Variants in HPSE2 observed in about 807,000 individuals in gnomAD.
HPSE2 encodes heparanase 2 (inactive), also known as inactive heparanase-2.
Under a neutral mutation model 60.5 loss-of-function variants are expected in HPSE2, and 38 were observed. The ratio of observed to expected loss-of-function variants is 0.63; its 90% confidence interval spans 0.48 to 0.82. The LOEUF (loss-of-function observed/expected upper bound fraction) is 0.82. Among genes scored for constraint, HPSE2 ranks in the 40% least tolerant of loss-of-function variants. The probability of loss-of-function intolerance (pLI) is 0.00; values close to 1 mark genes in which losing one functional copy is unlikely to be tolerated. For missense variants in HPSE2, 713 were observed against 740.4 expected (o/e 0.96, Z 0.43); for synonymous variants, 295 against 293.2 (o/e 1.01, Z -0.06).
At chr10:98,718,239 G>T (rs2134239449) in intron 5 of HPSE2, among the ~76,000 whole-genome samples, 1 of 152,182 alleles carries the variant, frequency 6.6e-6, no homozygotes, top group South Asian at 2.1e-4. Flanking sequence ...CCCAAATAAG[G>T]AAATGAAAAC....
intron 2 of HPSE2, among the ~76,000 whole-genome samples, chr10:99,160,495 C>A (rs897261182): frequency 6.6e-6 from 1 of 152,166 alleles, no homozygotes; most frequent in African/African-American, 2.4e-5. Context: ...ACGCTACAGC[C>A]TCTTTGGAAA....
intron 3 of HPSE2, among the ~76,000 whole-genome samples, chr10:98,996,614 C>G (rs1459135615): frequency 6.6e-6 from 1 of 152,178 alleles, no homozygotes; most frequent in Non-Finnish European, 1.5e-5. Flanking sequence ...ATCAACAATT[C>G]AGACATTCAC....
chr10:99,310,827 C>T, the HPSE2 span, among the ~76,000 whole-genome samples: 6 of 152,138 alleles, frequency 3.9e-5, no homozygotes, highest in Non-Finnish European at 8.8e-5. Flanking sequence ...TGAGGTTATG[C>T]CTTGTTGGCC....
intron 5 of HPSE2, among the ~76,000 whole-genome samples, chr10:98,714,454 C>T (rs576095975): frequency 9.2e-5 from 14 of 151,964 alleles, no homozygotes; most frequent in Admixed American, 6.6e-4. Flanking sequence ...AGGAACCATA[C>T]AATGTATGGC....
In HPSE2 at chr10:99,168,248, A is replaced by T. The variant is rs189452323; in HGVS notation, c.449-23849T>A. 4.6e-3 allele frequency among the ~76,000 whole-genome samples: 695 copies of T among 152,264 alleles called. 4 individuals carry two copies. The highest frequency in any genetic ancestry group is 0.016 in the African/African-American group (665 of 41,540). ...CATGTAGGTCTTCATGTTTTTCAATAAAATTTTATAATTTCCTCTATTAAA... is the reference window on the plus strand; with the variant it reads ...CATGTAGGTCTTCATGTTTTTCAATTAAATTTTATAATTTCCTCTATTAAA... On this transcript the variant is annotated intron_variant, in intron 2 of 11. Coordinates refer to ENST00000370552, the MANE Select transcript of HPSE2 (RefSeq NM_021828.5).
At chr10:99,081,512 G>A (rs1843135087) in intron 3 of HPSE2, among the ~76,000 whole-genome samples, 1 of 151,868 alleles carries the variant, frequency 6.6e-6, no homozygotes, top group Non-Finnish European at 1.5e-5. Flanking sequence ...CCTTAGCAGA[G>A]TATCTGGATA....
intron 3 of HPSE2, among the ~76,000 whole-genome samples, chr10:98,825,843 A>G (rs960933212): frequency 1.5e-4 from 23 of 152,350 alleles, no homozygotes; most frequent in Admixed American, 1.0e-3. Context: ...GTCATTGGAC[A>G]TGGTCATGAA....
intron 6 of HPSE2, among the ~76,000 whole-genome samples, chr10:98,653,226 CCTAT>C (rs1204200703): frequency 1.3e-5 from 2 of 152,118 alleles, no homozygotes; most frequent in Non-Finnish European, 1.5e-5. Context: ...TTACTTTTAA[CCTAT>C]CTGAGTCTTT....
chr10:99,166,849 A>AG (rs1847099512), intron 2 of HPSE2, among the ~76,000 whole-genome samples: 1 of 150,972 alleles, frequency 6.6e-6, no homozygotes, highest in African/African-American at 2.5e-5. Context: ...TCCATCTCAA[A>AG]GAAAAAAAAA....
At chr10:98,713,904 A>G (rs974924609) in intron 5 of HPSE2, among the ~76,000 whole-genome samples, 1 of 151,846 alleles carries the variant, frequency 6.6e-6, no homozygotes, top group Non-Finnish European at 1.5e-5. Context: ...TATTTTCTGA[A>G]TCATCATATA....
intron 4 of HPSE2, among the ~76,000 whole-genome samples, chr10:98,726,228 A>G (rs1374953426): frequency 6.6e-6 from 1 of 152,120 alleles, no homozygotes; most frequent in African/African-American, 2.4e-5. Flanking sequence ...AAGACTTGGA[A>G]CCCACCCAAA....
intron 5 of HPSE2, among the ~76,000 whole-genome samples, chr10:98,698,618 G>A (rs1193804875): frequency 2.6e-5 from 4 of 152,090 alleles, no homozygotes; most frequent in Non-Finnish European, 5.9e-5. Context: ...AAAGCTAGCA[G>A]AAGGCAAGAA....
At chr10:98,652,646 C>A (rs1946949007) in intron 6 of HPSE2, among the ~76,000 whole-genome samples, 1 of 152,208 alleles carries the variant, frequency 6.6e-6, no homozygotes, top group African/African-American at 2.4e-5. Context: ...ATTCTCCAGG[C>A]AGTGCAACCC....
chr10:98,940,252 TAG>T (rs1441985259), intron 3 of HPSE2, among the ~76,000 whole-genome samples: 2 of 142,012 alleles, frequency 1.4e-5, no homozygotes, highest in Non-Finnish European at 3.0e-5. Context: ...ATGAAGGAAA[TAG>T]AGACACAAAA....
chr10:98,553,626 C>A (rs1943922804), intron 9 of HPSE2, among the ~76,000 whole-genome samples: 1 of 152,242 alleles, frequency 6.6e-6, no homozygotes, highest in Non-Finnish European at 1.5e-5. Flanking sequence ...TCCACCATTT[C>A]TGACTCTGCC....
intron 3 of HPSE2, among the ~76,000 whole-genome samples, chr10:99,108,593 A>G (rs944181145): frequency 1.3e-5 from 2 of 152,134 alleles, no homozygotes; most frequent in African/African-American, 2.4e-5. Context: ...CCTAAAGTTT[A>G]TTCATTACTC....
intron 3 of HPSE2, among the ~76,000 whole-genome samples, chr10:98,762,114 T>G (rs1018181779): frequency 1.3e-5 from 2 of 151,598 alleles, no homozygotes; most frequent in African/African-American, 4.8e-5. Flanking sequence ...GCTATGACAT[T>G]GATGACAGAG....
intron 3 of HPSE2, among the ~76,000 whole-genome samples, chr10:98,808,153 C>G (rs1391284907): frequency 6.6e-6 from 1 of 152,166 alleles, no homozygotes; most frequent in Non-Finnish European, 1.5e-5. Context: ...ATAAACATCT[C>G]CAGCCAACAA....
chr10:99,145,110 T>C (rs555737233), intron 2 of HPSE2, among the ~76,000 whole-genome samples: 4 of 152,318 alleles, frequency 2.6e-5, no homozygotes, highest in Non-Finnish European at 4.4e-5. Context: ...ATGATTTTCA[T>C]TCAAAGCAGA....
Sources: allele counts gnomAD v4.1 joint callset (sites outside exome capture counted in the v4.1 genomes callset), GRCh38; gene constraint gnomAD v4.1.1; transcripts MANE v1.5; gene names NCBI Gene and HGNC (gene_info 2026-07-23, HGNC 2026-07-21).